Variants in COL8A1 observed in about 807,000 individuals in gnomAD.
COL8A1 encodes the protein collagen alpha-1(VIII) chain.
In COL8A1, 21 loss-of-function variants were observed where a neutral mutation model predicts 42.7. That is an observed-to-expected ratio of 0.49 (90% CI 0.35 to 0.71). The LOEUF (loss-of-function observed/expected upper bound fraction) is 0.71, where lower values mean the gene tolerates loss of function less well. Ranked by LOEUF, COL8A1 falls within the 30% of genes least tolerant of loss-of-function variation. COL8A1 has a pLI of 0.01. For synonymous variants in COL8A1, 367 were observed against 369.1 expected (o/e 0.99, Z 0.06); for missense variants, 788 against 962.4 (o/e 0.82, Z 2.40).
intron 1 of COL8A1, among the ~76,000 whole-genome samples, chr3:99,689,191 T>C (rs1377005939): frequency 2.0e-5 from 3 of 152,240 alleles, no homozygotes; most frequent in Non-Finnish European, 4.4e-5. Flanking sequence ...CTAATTTTAT[T>C]TGTCCAAGGA....
chr3:99,796,317 C>A lies in COL8A1; in HGVS notation c.*181C>A. 2 of 500,278 alleles carry A rather than the reference C, an allele frequency of 4.0e-6. No homozygotes were observed. Among genetic ancestry groups the A allele is most frequent in the East Asian group, 6.0e-5 (2 of 33,236 alleles). The allele number at this position is 500,278 out of a possible 1,614,324, so 31.0% of individuals were successfully genotyped here. On this transcript the variant is annotated 3_prime_UTR_variant, in exon 4 of 4. Transcript: ENST00000652472. Reference sequence around the variant, plus strand: ...ACTAAGATGCATGTTTAATACTCCACACAGCAGCCTGTAATTGCGAATGAT... The same window carrying A: ...ACTAAGATGCATGTTTAATACTCCAAACAGCAGCCTGTAATTGCGAATGAT...
chr3:99,660,742 G>C (rs1351460911), intron 1 of COL8A1, among the ~76,000 whole-genome samples: 9 of 152,154 alleles, frequency 5.9e-5, no homozygotes, highest in Admixed American at 5.9e-4. Flanking sequence ...AATAAAGTAA[G>C]AGCTTTTTAC....
At position 99,790,812 on chromosome 3, in the gene COL8A1, A is replaced by G. The variant is rs1941986371; in HGVS notation, c.130A>G (p.Met44Val). ...GCTGCCACCTCAAATTCCTCCTCAG[A>G]TGCCACCACAAATTCCACAATACCA... The part of the protein sequence containing the change: ...KPLPPQIPPQ[M>V]PPQIPQYQPL... The change falls in exon 3 of 4, where the codon ATG (methionine) becomes GTG (valine). Residue 44 changes from methionine to valine, a missense_variant. Around this residue, in one of 4 missense-constraint regions of COL8A1, gnomAD observed 421 missense variants for 553.1 expected, o/e 0.76. Coordinates refer to ENST00000652472, the MANE Select transcript of COL8A1 (RefSeq NM_020351.4). 6.2e-7 allele frequency: 1 copy of G among 1,614,172 alleles called. No homozygotes were observed. The highest frequency in any genetic ancestry group is 8.5e-7 in the Non-Finnish European group (1 of 1,180,024).
intron 2 of COL8A1, among the ~76,000 whole-genome samples, chr3:99,781,196 G>A (rs975617131): frequency 7.9e-5 from 12 of 152,176 alleles, no homozygotes; most frequent in Non-Finnish European, 1.8e-4. Flanking sequence ...CACTGACCAA[G>A]AAATTGTCAA....
chr3:99,744,229 C>T (rs1940969877), intron 1 of COL8A1, among the ~76,000 whole-genome samples: 1 of 152,038 alleles, frequency 6.6e-6, no homozygotes. Context: ...CGTGCCTGGC[C>T]GATATTTCTT....
At chr3:99,666,556 A>G (rs1478524917) in intron 1 of COL8A1, among the ~76,000 whole-genome samples, 1 of 152,204 alleles carries the variant, frequency 6.6e-6, no homozygotes, top group Non-Finnish European at 1.5e-5. Flanking sequence ...CCTCAAACAC[A>G]TTAGACACAT....
At chr3:99,700,030 G>T (rs1939490073) in intron 1 of COL8A1, among the ~76,000 whole-genome samples, 1 of 152,136 alleles carries the variant, frequency 6.6e-6, no homozygotes, top group South Asian at 2.1e-4. Context: ...GTCATCTAGG[G>T]ATGTCACGAA....
intron 1 of COL8A1, among the ~76,000 whole-genome samples, chr3:99,667,921 A>T (rs577986795): frequency 7.2e-5 from 11 of 152,234 alleles, no homozygotes; most frequent in African/African-American, 2.6e-4. Context: ...GCTCCAACTG[A>T]TAGATACACT....
At chr3:99,791,598 T>C (rs1439255792) in intron 3 of COL8A1, among the ~76,000 whole-genome samples, 5 of 152,246 alleles carry the variant, frequency 3.3e-5, no homozygotes, top group African/African-American at 1.2e-4. Context: ...CCTGTTGCTT[T>C]CTTGGCGTAT....
chr3:99,750,337 G>A (rs967891713), intron 2 of COL8A1, among the ~76,000 whole-genome samples: 10 of 151,982 alleles, frequency 6.6e-5, no homozygotes, highest in African/African-American at 1.7e-4. Flanking sequence ...GATTACAGGC[G>A]TGAGCCACTA....
At chr3:99,729,418 T>C (rs898366382) in intron 1 of COL8A1, among the ~76,000 whole-genome samples, 6 of 152,058 alleles carry the variant, frequency 3.9e-5, no homozygotes, top group South Asian at 2.1e-4. Flanking sequence ...CTTTGAACTT[T>C]GAAACCATTA....
chr3:99,705,273 C>A (rs1376112195), intron 1 of COL8A1, among the ~76,000 whole-genome samples: 1 of 152,162 alleles, frequency 6.6e-6, no homozygotes, highest in Non-Finnish European at 1.5e-5. Context: ...ATTTATGGAG[C>A]CTCTGTTATG....
intron 1 of COL8A1, among the ~76,000 whole-genome samples, chr3:99,648,641 A>G (rs1042458680): frequency 1.3e-5 from 2 of 152,290 alleles, no homozygotes; most frequent in Admixed American, 1.3e-4. Context: ...AGTGAAGACA[A>G]GTTGCTTGGC....
At position 99,662,947 on chromosome 3, in the gene COL8A1, G is replaced by A. The variant is rs559769613; in HGVS notation, c.-129+24283G>A. ...AGAAAAACAATGGTATCTCTGATCCGGATGCATTCTTTCGACTTTCTCAAA... is the reference window on the plus strand; with the variant it reads ...AGAAAAACAATGGTATCTCTGATCCAGATGCATTCTTTCGACTTTCTCAAA... On this transcript the variant is annotated intron_variant, in intron 1 of 3. Coordinates refer to ENST00000652472, the MANE Select transcript of COL8A1 (RefSeq NM_020351.4). Among the ~76,000 whole-genome samples, 278 of 152,182 alleles carry A rather than the reference G, an allele frequency of 1.8e-3. 3 individuals are homozygous for A. The highest frequency in any genetic ancestry group is 6.5e-3 in the African/African-American group (268 of 41,518).
intron 1 of COL8A1, among the ~76,000 whole-genome samples, chr3:99,699,181 A>C (rs780434132): frequency 6.6e-6 from 1 of 152,184 alleles, no homozygotes; most frequent in South Asian, 2.1e-4. Context: ...CCACTTCCCT[A>C]CTTTGCTACT....
chr3:99,708,621 C>CA (rs1939748977), intron 1 of COL8A1, among the ~76,000 whole-genome samples: 1 of 152,128 alleles, frequency 6.6e-6, no homozygotes, highest in Non-Finnish European at 1.5e-5. Context: ...TGAGATTTTA[C>CA]AGTGGCTTTC....
rs577785413 is a variant in COL8A1, at chr3:99,695,262, A to G, written c.-128-49635A>G. ...TCAAGAGGTATTTTACATTAGTCAT[A>G]GTAGTCCCCACAAAACATGTTAATC... On this transcript the variant is annotated intron_variant, in intron 1 of 3. Coordinates refer to ENST00000652472, the MANE Select transcript of COL8A1 (RefSeq NM_020351.4). 2.0e-5 allele frequency among the ~76,000 whole-genome samples: 3 copies of G among 152,362 alleles called. No individual in the cohort carries two copies. In the South Asian group the frequency reaches 6.2e-4, roughly 32 times the overall value.
At chr3:99,652,833 A>C (rs1486600637) in intron 1 of COL8A1, among the ~76,000 whole-genome samples, 1 of 152,230 alleles carries the variant, frequency 6.6e-6, no homozygotes, top group African/African-American at 2.4e-5. Context: ...TGATAGTTTT[A>C]AATCCCCCTT....
intron 2 of COL8A1, among the ~76,000 whole-genome samples, chr3:99,758,140 A>G (rs1258439107): frequency 6.6e-6 from 1 of 152,318 alleles, no homozygotes; most frequent in East Asian, 1.9e-4. Context: ...AAAAATAGGT[A>G]TGAGCAGGAG....
Sources: allele counts gnomAD v4.1 joint callset (sites outside exome capture counted in the v4.1 genomes callset), GRCh38; gene constraint gnomAD v4.1.1; regional missense constraint gnomAD v4.1.1; transcripts MANE v1.5; gene names NCBI Gene and HGNC (gene_info 2026-07-23, HGNC 2026-07-21).